TBC1D5: variants seen among roughly 807,000 people sequenced by gnomAD.
TBC1D5 encodes TBC1 domain family member 5.
TBC1D5 carries 75 observed loss-of-function variants against 100.3 expected under a neutral mutation model. The observed-to-expected ratio is 0.75, with a 90% confidence interval of 0.62 to 0.91. The LOEUF is 0.91. Among genes scored for constraint, TBC1D5 ranks in the 40% least tolerant of loss-of-function variants. The pLI is 0.00. For missense variants in TBC1D5, 910 were observed against 942.4 expected, an observed-to-expected ratio of 0.97 and a Z score of 0.45; for synonymous variants, 323 against 325.6, an observed-to-expected ratio of 0.99 and a Z score of 0.09.
At chr3:17,403,101 G>T in intron 8 of TBC1D5, 80 bp downstream of exon 8, 2 of 1,252,936 alleles carry the variant, frequency 1.6e-6, no homozygotes, top group East Asian at 2.7e-5. Context: ...GTTGACTGCA[G>T]ATTTTGTGTT....
chr3:17,166,831 G>T, exon 21 of TBC1D5: 1 of 1,614,198 alleles, frequency 6.2e-7, no homozygotes, highest in Non-Finnish European at 8.5e-7. Flanking sequence ...CTGGCCGCTG[G>T]AGCAGTAGTG....
At chr3:17,454,971 T>A (rs542256397) in intron 3 of TBC1D5, among the ~76,000 whole-genome samples, 4 of 152,060 alleles carry the variant, frequency 2.6e-5, no homozygotes, top group Non-Finnish European at 5.9e-5. Flanking sequence ...AGATATTCCA[T>A]GTTCATGGAT....
At chr3:17,727,284 G>C (rs2076205109) in intron 1 of TBC1D5, among the ~76,000 whole-genome samples, 1 of 152,212 alleles carries the variant, frequency 6.6e-6, no homozygotes, top group South Asian at 2.1e-4. Context: ...GAGAGGCTGA[G>C]ACAGGAGAAT....
chr3:17,166,617 G>T, intron 21 of TBC1D5, 150 bp downstream of exon 22: 1 of 1,050,128 alleles, frequency 9.5e-7, no homozygotes, highest in Non-Finnish European at 1.3e-6. Flanking sequence ...AGAGTGCACA[G>T]CCTGCACAGC....
intron 3 of TBC1D5, among the ~76,000 whole-genome samples, chr3:17,480,871 G>T (rs1256762843): frequency 6.6e-6 from 1 of 152,208 alleles, no homozygotes; most frequent in African/African-American, 2.4e-5. Flanking sequence ...AGTTGTCCGT[G>T]TACCTCATTC....
At chr3:17,162,221 G>A (rs567809223) in intron 21 of TBC1D5, among the ~76,000 whole-genome samples, 4 of 152,300 alleles carry the variant, frequency 2.6e-5, no homozygotes, top group East Asian at 1.9e-4. Flanking sequence ...GTGGAGTCTC[G>A]TGCTGGGGTC....
At chr3:17,385,564 A>G (rs2093119546) in intron 8 of TBC1D5, among the ~76,000 whole-genome samples, 1 of 151,990 alleles carries the variant, frequency 6.6e-6, no homozygotes, top group Non-Finnish European at 1.5e-5. Context: ...TGTGCTAGAG[A>G]TCTGTGAAGC....
intron 19 of TBC1D5, among the ~76,000 whole-genome samples, chr3:17,174,784 G>A (rs1013020812): frequency 6.6e-6 from 1 of 152,138 alleles, no homozygotes; most frequent in African/African-American, 2.4e-5. Flanking sequence ...AGTAGAGACA[G>A]GGTTTCACCA....
In TBC1D5 at chr3:17,232,326, T is replaced by C. The variant is rs137895449; in HGVS notation, c.1588+5837A>G. 1.6e-4 allele frequency among the ~76,000 whole-genome samples: 25 copies of C among 152,310 alleles called. 1 individual carries two copies. The East Asian group carries it at 4.8e-3, about 29-fold the overall frequency. On this transcript the variant is annotated intron_variant, in intron 17 of 21. Coordinates refer to ENST00000253692, the Ensembl canonical transcript of TBC1D5. Reference sequence around the variant, plus strand: ...AAGCCAAAGATCTACTCTGTAGCAATTAATGTTGGGACAACAACACACATG... The same window carrying C: ...AAGCCAAAGATCTACTCTGTAGCAACTAATGTTGGGACAACAACACACATG...
intron 2 of TBC1D5, chr3:17,519,036 C>A (rs1275351591): frequency 6.6e-6 from 1 of 152,290 alleles, no homozygotes; most frequent in Non-Finnish European, 1.5e-5. Flanking sequence ...AAATGAGGCA[C>A]TCCTGTCATG....
intron 3 of TBC1D5, among the ~76,000 whole-genome samples, chr3:17,454,497 T>C (rs867292608): frequency 1.1e-4 from 17 of 152,260 alleles, no homozygotes; most frequent in Admixed American, 2.6e-4. Context: ...TCTCGCTCTG[T>C]CACCCAGGCT....
Position 17,212,325 on chromosome 3 carries a change from T to C in TBC1D5, c.1752+1882A>G, listed in dbSNP as rs115520279. 8.7e-3 allele frequency among the ~76,000 whole-genome samples: 1,328 copies of C among 152,288 alleles called. 22 individuals are homozygous for C. The highest frequency in any genetic ancestry group is 0.029 in the African/African-American group (1,210 of 41,554). On this transcript the variant is annotated intron_variant, in intron 18 of 21. Transcript: ENST00000253692. ...TGACATCATAGCTGTCATAATGTCATAGTGCAATGGATTAAGTGTTTGCGG... is the reference window on the plus strand; with the variant it reads ...TGACATCATAGCTGTCATAATGTCACAGTGCAATGGATTAAGTGTTTGCGG...
At chr3:17,449,325 A>G (rs563853094) in intron 3 of TBC1D5, among the ~76,000 whole-genome samples, 1 of 152,358 alleles carries the variant, frequency 6.6e-6, no homozygotes, top group African/African-American at 2.4e-5. Flanking sequence ...TGGGGCAGAC[A>G]CCAAGCTAGT....
At chr3:17,372,291 T>G in intron 12 of TBC1D5, 44 bp from the exon 13 acceptor site, 1 of 1,488,564 alleles carries the variant, frequency 6.7e-7, no homozygotes, top group South Asian at 1.4e-5. Flanking sequence ...AATATGAAAT[T>G]AATAAATATA....
intron 18 of TBC1D5, among the ~76,000 whole-genome samples, chr3:17,205,417 G>T (rs1404874194): frequency 6.6e-6 from 1 of 152,146 alleles, no homozygotes; most frequent in Non-Finnish European, 1.5e-5. Context: ...TTCTGGGAAG[G>T]CTGCTCTGCT....
intron 1 of TBC1D5, among the ~76,000 whole-genome samples, chr3:17,729,197 A>G (rs2076361659): frequency 6.6e-6 from 1 of 151,988 alleles, no homozygotes; most frequent in African/African-American, 2.4e-5. Context: ...CTCCTGCACT[A>G]AAAGCTGAGG....
At chr3:17,217,684 A>G (rs1235949417) in intron 17 of TBC1D5, among the ~76,000 whole-genome samples, 4 of 152,114 alleles carry the variant, frequency 2.6e-5, no homozygotes, top group African/African-American at 7.2e-5. Context: ...AGAAATGTTT[A>G]TTCAAATCTT....
chr3:17,205,898 T>TG (rs1158500380), intron 18 of TBC1D5, among the ~76,000 whole-genome samples: 2 of 152,210 alleles, frequency 1.3e-5, no homozygotes, highest in African/African-American at 2.4e-5. Flanking sequence ...ACTCAACAGC[T>TG]GAATAATCCA....
intron 3 of TBC1D5, among the ~76,000 whole-genome samples, chr3:17,485,008 GATAAAC>G (rs2095544908): frequency 6.6e-6 from 1 of 152,038 alleles, no homozygotes. Flanking sequence ...ACAGAGATAT[GATAAAC>G]ATAAGATGAA....
Sources: gnomAD v4.1 joint callset for allele counts (sites outside exome capture counted in the v4.1 genomes callset) on GRCh38, gnomAD v4.1.1 for gene constraint, MANE v1.5 for transcripts, NCBI Gene and HGNC (gene_info 2026-07-23, HGNC 2026-07-21) for gene names.